SSH2: variants seen among roughly 807,000 people sequenced by gnomAD.
SSH2 encodes protein phosphatase Slingshot homolog 2.
A neutral mutation model predicts 135.2 loss-of-function variants in SSH2; 37 were observed. The observed-to-expected ratio is 0.27, with a 90% CI of 0.21 to 0.36. SSH2 has a LOEUF of 0.36. Ranked by LOEUF, SSH2 falls within the 10% of genes least tolerant of loss-of-function variation. The probability of loss-of-function intolerance (pLI) is 1.00; values close to 1 mark genes in which losing one functional copy is unlikely to be tolerated. For missense variants in SSH2, 1,408 were observed against 1,765.3 expected, an observed-to-expected ratio of 0.80 and a Z score of 3.63; for synonymous variants, 628 against 646.2, an observed-to-expected ratio of 0.97 and a Z score of 0.43.
At chr17:29,897,478 A>C (rs1053922289) in intron 1 of SSH2, among the ~76,000 whole-genome samples, 14 of 152,188 alleles carry the variant, frequency 9.2e-5, no homozygotes, top group African/African-American at 3.1e-4. Context: ...CAGGGGTTGC[A>C]ATCCTAGTCT....
chr17:29,662,001 C>T (rs1352740046), intron 11 of SSH2, among the ~76,000 whole-genome samples: 2 of 152,120 alleles, frequency 1.3e-5, no homozygotes, highest in African/African-American at 2.4e-5. Flanking sequence ...ATTAGACTTC[C>T]GGGGCTCTTT....
intron 14 of SSH2, among the ~76,000 whole-genome samples, chr17:29,646,263 T>C (rs2036365141): frequency 6.6e-6 from 1 of 152,124 alleles, no homozygotes; most frequent in Admixed American, 6.6e-5. Flanking sequence ...TATAACCAAT[T>C]ACCAAATTAT....
chr17:29,703,144 C>T, intron 3 of SSH2, 82 bp from the exon 4 acceptor site: 2 of 952,688 alleles, frequency 2.1e-6, no homozygotes, highest in Non-Finnish European at 3.4e-6. Context: ...TTTGGATTCT[C>T]TCTTCTCTAT....
At chr17:29,874,438 C>A (rs2065993795) in intron 1 of SSH2, among the ~76,000 whole-genome samples, 1 of 152,086 alleles carries the variant, frequency 6.6e-6, no homozygotes, top group Admixed American at 6.5e-5. Flanking sequence ...TCCCTATAAC[C>A]CCGATAAGGG....
chr17:29,745,461 CAAT>C (rs931164434), intron 3 of SSH2, among the ~76,000 whole-genome samples: 3 of 152,156 alleles, frequency 2.0e-5, no homozygotes, highest in African/African-American at 7.2e-5. Flanking sequence ...CACCCAGCTA[CAAT>C]GATACCCTTC....
chr17:29,913,348 ATATATATATATATATATAT>A (rs1284639829), intron 1 of SSH2, among the ~76,000 whole-genome samples: 11 of 13,692 alleles, frequency 8.0e-4, no homozygotes, highest in African/African-American at 2.5e-3. Flanking sequence ...AAAAAAAAAA[ATATATATATATATATATAT>A]ATATATATAT....
chr17:29,653,852 T>A (rs1367433734), intron 12 of SSH2, among the ~76,000 whole-genome samples: 2 of 152,188 alleles, frequency 1.3e-5, no homozygotes, highest in Non-Finnish European at 2.9e-5. Context: ...CCTCCCAAAG[T>A]GCTGGGATTA....
intron 2 of SSH2, among the ~76,000 whole-genome samples, chr17:29,818,060 G>A (rs2042588858): frequency 6.6e-6 from 1 of 152,076 alleles, no homozygotes; most frequent in Non-Finnish European, 1.5e-5. Flanking sequence ...ATGAGCCACT[G>A]TGCCTGCCTC....
intron 8 of SSH2, among the ~76,000 whole-genome samples, chr17:29,673,655 G>A (rs575790215): frequency 2.6e-5 from 4 of 151,984 alleles, no homozygotes; most frequent in Non-Finnish European, 5.9e-5. Flanking sequence ...TCACAGAAAA[G>A]GCAGAAATAT....
chr17:29,777,219 C>CAA (rs34359278), intron 3 of SSH2, among the ~76,000 whole-genome samples: 1 of 106,556 alleles, frequency 9.4e-6, no homozygotes, highest in East Asian at 2.7e-4. Flanking sequence ...GACTCCATCT[C>CAA]AAAAAAAAAA....
chr17:29,770,352 G>C (rs113581370), intron 3 of SSH2, among the ~76,000 whole-genome samples: 9,322 of 152,082 alleles, frequency 0.061, 561 homozygotes, highest in African/African-American at 0.16. Context: ...CCAGTGATCT[G>C]CCTGCCTTGG....
rs2042853537 is a variant in SSH2, at chr17:29,831,974, T to A, written c.144+16875A>T. ...TATGTAGTTGTAATCAGAGCGTATA[T>A]GTAAGTTTTGCTCATTTTTCAAATT... On this transcript the variant is annotated intron_variant, in intron 2 of 15. Coordinates refer to ENST00000540801, the MANE Select transcript of SSH2 (RefSeq NM_001282129.2). Among the ~76,000 whole-genome samples the A allele has an allele frequency of 2.0e-5, 3 of 152,238 alleles. No individual in the cohort carries two copies. In the South Asian group the frequency reaches 6.2e-4, roughly 32 times the overall value.
intron 2 of SSH2, among the ~76,000 whole-genome samples, chr17:29,827,600 A>G (rs561247551): frequency 6.6e-6 from 1 of 152,326 alleles, no homozygotes; most frequent in African/African-American, 2.4e-5. Flanking sequence ...TCACTTTGTC[A>G]TTCTTCTAAA....
At chr17:29,878,321 G>A (rs1161084309) in intron 1 of SSH2, among the ~76,000 whole-genome samples, 3 of 152,236 alleles carry the variant, frequency 2.0e-5, no homozygotes, top group Non-Finnish European at 4.4e-5. Flanking sequence ...TAGCTACTCG[G>A]GAGGCTGAGG....
chr17:29,832,290 C>T (rs1011829639), intron 2 of SSH2, among the ~76,000 whole-genome samples: 3 of 152,092 alleles, frequency 2.0e-5, no homozygotes, highest in Admixed American at 1.3e-4. Context: ...ATCACCATAC[C>T]CAGCTAATTT....
At chr17:29,722,137 T>G (rs1358323694) in intron 3 of SSH2, among the ~76,000 whole-genome samples, 1 of 152,058 alleles carries the variant, frequency 6.6e-6, no homozygotes, top group Non-Finnish European at 1.5e-5. Context: ...TAGCTGGGCA[T>G]GGTGGCCGGC....
chr17:29,772,730 G>A (rs1287306086), intron 3 of SSH2, among the ~76,000 whole-genome samples: 2 of 151,954 alleles, frequency 1.3e-5, no homozygotes, highest in Non-Finnish European at 2.9e-5. Context: ...CTCTCCTCCT[G>A]GAGCTAGGAT....
intron 1 of SSH2, among the ~76,000 whole-genome samples, chr17:29,857,440 G>C (rs1352337038): frequency 6.6e-6 from 1 of 151,916 alleles, no homozygotes; most frequent in Admixed American, 6.6e-5. Context: ...TCTACAACAC[G>C]TGGGAATTCA....
chr17:29,761,863 G>GTGTGTA (rs1360394724), intron 3 of SSH2, among the ~76,000 whole-genome samples: 2 of 133,990 alleles, frequency 1.5e-5, no homozygotes, highest in Middle Eastern at 3.3e-3. Context: ...GTGTGTGTGT[G>GTGTGTA]TGTGTGTGTA....
Sources: allele counts gnomAD v4.1 joint callset (sites outside exome capture counted in the v4.1 genomes callset), GRCh38; gene constraint gnomAD v4.1.1; transcripts MANE v1.5; gene names NCBI Gene and HGNC (gene_info 2026-07-23, HGNC 2026-07-21).